Variants in EEIG2 observed in about 807,000 individuals in gnomAD.
The protein encoded by EEIG2 is family with sequence similarity 102 member B.
At chr1:108,600,979 T>C in the EEIG2 span, among the ~76,000 whole-genome samples, 153 of 152,274 alleles carry the variant, frequency 1.0e-3, 1 homozygote, top group African/African-American at 3.2e-3. Context: ...ATTTGTTAAA[T>C]TCCTAGTTTT....
At chr1:108,569,694 A>G in the EEIG2 span, among the ~76,000 whole-genome samples, 8 of 152,272 alleles carry the variant, frequency 5.3e-5, no homozygotes, top group African/African-American at 1.9e-4. Context: ...TTGTCTTTTA[A>G]TACTACTCTT....
chr1:108,560,397 T>G, the EEIG2 span: 24 of 1,513,058 alleles, frequency 1.6e-5, no homozygotes, highest in African/African-American at 1.4e-5. Flanking sequence ...CGCCCGGCCG[T>G]GCGCCCAGCT....
chr1:108,569,988 C>G, the EEIG2 span, among the ~76,000 whole-genome samples: 1 of 152,218 alleles, frequency 6.6e-6, no homozygotes, highest in Non-Finnish European at 1.5e-5. Flanking sequence ...TGTGATTTCA[C>G]TTGTCACTCA....
At chr1:108,624,816 G>A in the EEIG2 span, 2 of 1,244,774 alleles carry the variant, frequency 1.6e-6, no homozygotes, top group Middle Eastern at 1.9e-4. Flanking sequence ...AAATTCTTTG[G>A]GAATTGTGTG....
chr1:108,571,716 C>T, the EEIG2 span, among the ~76,000 whole-genome samples: 2 of 152,048 alleles, frequency 1.3e-5, no homozygotes, highest in African/African-American at 2.4e-5. Flanking sequence ...AATGAGGTTG[C>T]GTTAGGTCCT....
the EEIG2 span, among the ~76,000 whole-genome samples, chr1:108,563,792 T>TA: frequency 2.3e-3 from 355 of 152,344 alleles, no homozygotes; most frequent in African/African-American, 8.4e-3. Context: ...AATTAGATCA[T>TA]AGATGTATAA....
chr1:108,563,421 G>A, the EEIG2 span, among the ~76,000 whole-genome samples: 1 of 152,174 alleles, frequency 6.6e-6, no homozygotes, highest in African/African-American at 2.4e-5. Context: ...TTAGCCATGA[G>A]TAGGACTGTA....
At chr1:108,637,029 C>G in the EEIG2 span, 4 of 152,128 alleles carry the variant, frequency 2.6e-5, no homozygotes. Context: ...GGACATTCAT[C>G]AGACACGTAA....
At chr1:108,635,413 G>A in the EEIG2 span, 7 of 388,852 alleles carry the variant, frequency 1.8e-5, no homozygotes, top group Non-Finnish European at 3.3e-5. Context: ...ATAATGAAAA[G>A]CCTGCTTTTT....
chr1:108,638,847 T>C, the EEIG2 span: 1 of 152,228 alleles, frequency 6.6e-6, no homozygotes, highest in African/African-American at 2.4e-5. Context: ...TAAGATAATA[T>C]ATACACAGTA....
At chr1:108,617,111 C>G in the EEIG2 span, among the ~76,000 whole-genome samples, 1 of 152,150 alleles carries the variant, frequency 6.6e-6, no homozygotes, top group Non-Finnish European at 1.5e-5. Context: ...GTTCAAGTAG[C>G]TGCCTGGAGA....
At chr1:108,583,658 A>C in the EEIG2 span, among the ~76,000 whole-genome samples, 2 of 152,108 alleles carry the variant, frequency 1.3e-5, no homozygotes, top group Admixed American at 1.3e-4. Flanking sequence ...TGTAAGAAGC[A>C]AGTGAGGTAT....
chr1:108,625,807 TGTGTGTGTGTGTGTGTGTG>T, the EEIG2 span: 1 of 145,090 alleles, frequency 6.9e-6, no homozygotes, highest in Admixed American at 6.8e-5. Context: ...TGTGTGTGTG[TGTGTGTGTGTGTGTGTGTG>T]TGGAGAGAGA....
At chr1:108,595,303 AAGGG>A in the EEIG2 span, among the ~76,000 whole-genome samples, 16 of 142,564 alleles carry the variant, frequency 1.1e-4, no homozygotes, top group African/African-American at 3.8e-4. Flanking sequence ...GAGAAGGAAG[AAGGG>A]AGGGAGGGAG....
chr1:108,569,877 C>T, the EEIG2 span, among the ~76,000 whole-genome samples: 1 of 152,156 alleles, frequency 6.6e-6, no homozygotes, highest in African/African-American at 2.4e-5. Flanking sequence ...ACGTGTCCAA[C>T]CTACAGTCCA....
chr1:108,569,876 A>T, the EEIG2 span, among the ~76,000 whole-genome samples: 1 of 152,054 alleles, frequency 6.6e-6, no homozygotes, highest in Non-Finnish European at 1.5e-5. Context: ...TACGTGTCCA[A>T]CCTACAGTCC....
chr1:108,582,389 T>C, the EEIG2 span, among the ~76,000 whole-genome samples: 10 of 152,188 alleles, frequency 6.6e-5, no homozygotes, highest in African/African-American at 1.4e-4. Context: ...TATTTTTTAG[T>C]GTTTATTCTA....
chr1:108,606,160 C>A, the EEIG2 span: 2 of 1,031,002 alleles, frequency 1.9e-6, no homozygotes. Context: ...AATTATTTGA[C>A]ATATATTTAA....
chr1:108,563,106 C>T, the EEIG2 span, among the ~76,000 whole-genome samples: 1 of 152,156 alleles, frequency 6.6e-6, no homozygotes, highest in Non-Finnish European at 1.5e-5. Flanking sequence ...TTAGAAAGGC[C>T]TATGTACAAG....
Sources: gnomAD v4.1 joint callset for allele counts (sites outside exome capture counted in the v4.1 genomes callset) on GRCh38, gnomAD v4.1.1 for gene constraint, MANE v1.5 for transcripts, NCBI Gene and HGNC (gene_info 2026-07-23, HGNC 2026-07-21) for gene names.